Variants in CSKMT observed in about 807,000 individuals in gnomAD.
The protein encoded by CSKMT is citrate synthase-lysine N-methyltransferase CSKMT, mitochondrial.
Under a neutral mutation model 4.6 loss-of-function variants are expected in CSKMT, and 6 were observed. The observed-to-expected ratio is 1.31, with a 90% confidence interval of 0.72 to 2.59. CSKMT has a LOEUF of 2.59. CSKMT is among the 30% of genes most tolerant of loss of function. CSKMT has a pLI of 0.00. For synonymous variants in CSKMT, 142 were observed against 128.9 expected, an observed-to-expected ratio of 1.10 and a Z score of -0.69; for missense variants, 328 against 298.0, an observed-to-expected ratio of 1.10 and a Z score of -0.74.
In CSKMT at chr11:62,665,849, C is replaced by T; in HGVS notation, c.-31C>T. 1 of 1,608,886 alleles carries T rather than the reference C, an allele frequency of 6.2e-7. No individual in the cohort carries two copies. The highest frequency in any genetic ancestry group is 8.5e-7 in the Non-Finnish European group (1 of 1,176,332). On this transcript the variant is annotated 5_prime_UTR_variant, in exon 2 of 3. Coordinates refer to ENST00000532971, the MANE Select transcript of CSKMT (RefSeq NM_001043229.2). ...GAGTAGGGTGGACGCTTCACATAAG[C>T]TTCTCTGGTCGAACTTACCCGAATC...
Position 62,666,297 on chromosome 11 carries a change from G to A in CSKMT, c.68-99G>A, listed in dbSNP as rs138405387. 186 of 1,260,944 alleles carry A rather than the reference G, an allele frequency of 1.5e-4. 1 individual carries two copies. In the African/African-American group the frequency reaches 2.5e-3, roughly 17 times the overall value. 78.1% of individuals were successfully genotyped at this position (1,260,944 alleles called of 1,614,324 possible). On this transcript the variant is annotated intron_variant, in intron 2 of 2. Transcript: ENST00000532971. ...TGTACTCAACCCTGGGTCACAGAGT[G>A]AGACCCTGTCTCAAAAAAAAAAAAG...
At position 62,665,848 on chromosome 11, in the gene CSKMT, G is replaced by A; in HGVS notation, c.-32G>A. 1.2e-6 allele frequency: 2 copies of A among 1,608,830 alleles called. No individual in the cohort carries two copies. The highest frequency in any genetic ancestry group is 1.7e-6 in the Non-Finnish European group (2 of 1,176,304). On this transcript the variant is annotated 5_prime_UTR_variant, in exon 2 of 3. Transcript: ENST00000532971. ...GGAGTAGGGTGGACGCTTCACATAA[G>A]CTTCTCTGGTCGAACTTACCCGAAT... is the stretch of plus-strand genomic sequence containing the variant.
rs1478724728 is a variant in CSKMT, at chr11:62,667,696, G to C, written c.*645G>C. ...CTGGTCCTGCCCCCAGCTGAGTCCAGCGTTAAATGTTCTTAAAGGACTTCT... is the reference window on the plus strand; with the variant it reads ...CTGGTCCTGCCCCCAGCTGAGTCCACCGTTAAATGTTCTTAAAGGACTTCT... On this transcript the variant is annotated 3_prime_UTR_variant, in exon 3 of 3. Transcript: ENST00000532971. 1 of 1,614,034 alleles carries C rather than the reference G, an allele frequency of 6.2e-7. No individual in the cohort carries two copies. Among genetic ancestry groups the C allele is most frequent in the African/African-American group, 1.3e-5 (1 of 74,928 alleles).
chr11:62,665,858 T>C lies in CSKMT; in HGVS notation c.-22T>C, dbSNP rs372582513. Reference sequence around the variant, plus strand: ...GGACGCTTCACATAAGCTTCTCTGGTCGAACTTACCCGAATCTCCAGATGG... The same window carrying C: ...GGACGCTTCACATAAGCTTCTCTGGCCGAACTTACCCGAATCTCCAGATGG... On this transcript the variant is annotated 5_prime_UTR_variant, in exon 2 of 3. Coordinates refer to ENST00000532971, the MANE Select transcript of CSKMT (RefSeq NM_001043229.2). 135 of 1,610,624 alleles carry C rather than the reference T, an allele frequency of 8.4e-5. No individual in the cohort carries two copies. In the African/African-American group the frequency reaches 1.7e-3, roughly 21 times the overall value.
rs368256980 is a variant in CSKMT, at chr11:62,665,337, G to A, written c.-234+5G>A. The stretch of plus-strand genomic sequence containing the variant: ...CTTTCGGAGGGTGGTGAGCTAGTAA[G>A]TGTGGTTTTAGCTGTAGTAGCCAGA... On this transcript the variant is annotated splice_donor_5th_base_variant and intron_variant, in intron 1 of 2. Coordinates refer to ENST00000532971, the MANE Select transcript of CSKMT (RefSeq NM_001043229.2). 27 of 764,232 alleles carry A rather than the reference G, an allele frequency of 3.5e-5. No homozygotes were observed. Among genetic ancestry groups the A allele is most frequent in the South Asian group, 2.6e-4 (16 of 62,732 alleles). The allele number at this position is 764,232 out of a possible 1,614,324, so 47.3% of individuals were successfully genotyped here.
intron 1 of CSKMT, 43 bp from the exon 2 acceptor site, chr11:62,665,604 G>A (rs1171195565): frequency 1.3e-6 from 2 of 1,566,130 alleles, no homozygotes; most frequent in South Asian, 1.1e-5. Context: ...AGATCCAGCT[G>A]GCTCCTCCAT....
intron 2 of CSKMT, 54 bp downstream of exon 2, chr11:62,666,000 G>A: frequency 1.3e-6 from 2 of 1,561,956 alleles, no homozygotes; most frequent in Non-Finnish European, 1.7e-6. Context: ...AGTGGGGAGG[G>A]TAAGGTGGGT....
rs76078023 is a variant in CSKMT at position 62,666,755 on chromosome 11, G to T, written c.427G>T (p.Ala143Ser). 1.2e-6 allele frequency: 2 copies of T among 1,614,164 alleles called. No individual in the cohort carries two copies. The highest frequency in any genetic ancestry group is 8.5e-7 in the Non-Finnish European group (1 of 1,180,038). Residue 143 changes from alanine (A) to serine (S), a missense_variant, in exon 3 of 3, where the codon GCC (alanine) becomes TCC (serine). Physicochemically the swap from Ala to Ser is moderately conservative, Grantham distance 99. Transcript: ENST00000532971. ...TGCCTCAAGCCTCCACTTCATGCAC[G>T]CCGATGCTCAGAACCTGGGGGCTGT... ...HPASSLHFMH[A>S]DAQNLGAVAS...
In CSKMT at chr11:62,666,788, TCAGGCTCTTTCCAACTACTG is replaced by T; in HGVS notation, c.462_481del (p.Ser156GlnfsTer14). 6.2e-7 allele frequency: 1 copy of T among 1,614,088 alleles called. No individual in the cohort carries two copies. Among genetic ancestry groups the T allele is most frequent in the Non-Finnish European group, 8.5e-7 (1 of 1,179,950 alleles). On this transcript the variant is annotated frameshift_variant, in exon 3 of 3. Coordinates refer to ENST00000532971, the MANE Select transcript of CSKMT (RefSeq NM_001043229.2). LOFTEE classifies it high-confidence loss of function. ...TCAGAACCTGGGGGCTGTGGCTTCT[TCAGGCTCTTTCCAACTACTG>T]CTGGACAAAGGCACATGGGATGCTG...
At chr11:62,666,069 C>T in intron 2 of CSKMT, 123 bp downstream of exon 2, 6 of 1,149,670 alleles carry the variant, frequency 5.2e-6, no homozygotes, top group Non-Finnish European at 7.3e-6. Context: ...TACGGTGGGC[C>T]GTGCGTGGTG....
chr11:62,667,360 C>T lies in CSKMT; in HGVS notation c.*309C>T. 4.2e-6 allele frequency: 3 copies of T among 720,132 alleles called. No individual in the cohort carries two copies. Among genetic ancestry groups the T allele is most frequent in the Non-Finnish European group, 7.0e-6 (3 of 428,238 alleles). 44.6% of individuals were successfully genotyped at this position (720,132 alleles called of 1,614,324 possible). A position where few individuals can be genotyped will look rare whatever the true frequency, so the allele number is the denominator to read the frequency against. ...AACTGGAGCTCCTAAAAGCAGCAGA[C>T]AGGAACTGAATCAAAACCCCTGCGC... is the stretch of plus-strand genomic sequence containing the variant. On this transcript the variant is annotated 3_prime_UTR_variant, in exon 3 of 3. Coordinates refer to ENST00000532971, the MANE Select transcript of CSKMT (RefSeq NM_001043229.2).
chr11:62,667,065 G>A lies in CSKMT; in HGVS notation c.*14G>A. Reference sequence around the variant, plus strand: ...GGCTCTCATTAAAGACATTTTAGTAGTCCTGACCCTAGTATTTCTGTGGGC... The same window carrying A: ...GGCTCTCATTAAAGACATTTTAGTAATCCTGACCCTAGTATTTCTGTGGGC... On this transcript the variant is annotated 3_prime_UTR_variant, in exon 3 of 3. Transcript: ENST00000532971. 1 of 1,558,794 alleles carries A rather than the reference G, an allele frequency of 6.4e-7. No homozygotes were observed. The highest frequency in any genetic ancestry group is 2.0e-5 in the Admixed American group (1 of 50,732).
Position 62,666,647 on chromosome 11 carries a change from G to A in CSKMT, c.319G>A (p.Asp107Asn), listed in dbSNP as rs759348507. 1.5e-5 allele frequency: 25 copies of A among 1,614,160 alleles called. No individual in the cohort carries two copies. The highest frequency in any genetic ancestry group is 2.1e-5 in the Non-Finnish European group (25 of 1,180,040). ...ACACCCAGTGGATGTGCTGGGGGTG[G>A]ACTTTTCTCCTGTGGCTGTGGCCCA... The part of the protein sequence containing the change: ...SPHPVDVLGV[D>N]FSPVAVAHMN... The change falls in exon 3 of 3, where the codon GAC becomes AAC. Residue 107 changes from aspartate to asparagine, a missense_variant. By Grantham distance (23) the Asp-to-Asn change is conservative. Transcript: ENST00000532971.
Position 62,665,916 on chromosome 11 carries a change from C to T in CSKMT, c.37C>T (p.Leu13=). 3 of 1,613,252 alleles carry T rather than the reference C, an allele frequency of 1.9e-6. No individual in the cohort carries two copies. The highest frequency in any genetic ancestry group is 2.5e-6 in the Non-Finnish European group (3 of 1,179,844). ...ALRRMLHLPS[L]MMGTCRPFAG... ...GCGTCGAATGCTCCACTTGCCGAGCCTGATGATGGGGACGTGCCGCCCCTT... is the reference window on the plus strand; with the variant it reads ...GCGTCGAATGCTCCACTTGCCGAGCTTGATGATGGGGACGTGCCGCCCCTT... Residue 13 remains leucine (L), a synonymous_variant, in exon 2 of 3, where the codon CTG becomes TTG. Transcript: ENST00000532971.
At position 62,667,945 on chromosome 11, in the gene CSKMT, GT is replaced by G. The variant is rs1403024293; in HGVS notation, c.*895del. 5.5e-6 allele frequency: 3 copies of G among 542,526 alleles called. No individual in the cohort carries two copies. In the African/African-American group the frequency reaches 5.6e-5, roughly 10 times the overall value. 33.6% of individuals were successfully genotyped at this position (542,526 alleles called of 1,614,324 possible). On this transcript the variant is annotated 3_prime_UTR_variant, in exon 3 of 3. Transcript: ENST00000532971. ...GAGCCCGGGATAGTGGCACAGGCAT[GT>G]AGTTCCAACTACTCAGGAGGCTGAG...
chr11:62,666,054 A>G (rs1245633961), intron 2 of CSKMT, 108 bp downstream of exon 2: 8 of 1,286,002 alleles, frequency 6.2e-6, no homozygotes, highest in African/African-American at 1.5e-5. Flanking sequence ...GTGATTCTCA[A>G]ACCCTACGGT....
chr11:62,666,890 C>G lies in CSKMT; in HGVS notation c.562C>G (p.Leu188Val), dbSNP rs761743428. 1 of 1,614,020 alleles carries G rather than the reference C, an allele frequency of 6.2e-7. No individual in the cohort carries two copies. Among genetic ancestry groups the G allele is most frequent in the African/African-American group, 1.3e-5 (1 of 74,904 alleles). Residue 188 changes from leucine to valine, a missense_variant, in exon 3 of 3, where the codon CTA becomes GTA. Coordinates refer to ENST00000532971, the MANE Select transcript of CSKMT (RefSeq NM_001043229.2). ...YQLLSECLRV[L>V]NPQGTLIQFS... ...GCTTCTATCAGAATGCTTGAGGGTT[C>G]TAAACCCTCAGGGGACCCTGATTCA... is the stretch of plus-strand genomic sequence containing the variant.
rs1346239608 is a variant in CSKMT at position 62,665,329 on chromosome 11, G to A, written c.-237G>A. 6.7e-6 allele frequency: 5 copies of A among 742,772 alleles called. No individual in the cohort carries two copies. Among genetic ancestry groups the A allele is most frequent in the East Asian group, 5.3e-5 (2 of 37,472 alleles). The allele number at this position is 742,772 out of a possible 1,614,324, so 46.0% of individuals were successfully genotyped here. On this transcript the variant is annotated 5_prime_UTR_variant, in exon 1 of 3. Coordinates refer to ENST00000532971, the MANE Select transcript of CSKMT (RefSeq NM_001043229.2). ...CGGGAGGCCTTTCGGAGGGTGGTGA[G>A]CTAGTAAGTGTGGTTTTAGCTGTAG...
chr11:62,667,848 T>C lies in CSKMT; in HGVS notation c.*797T>C, dbSNP rs2134638856. 1.2e-6 allele frequency: 1 copy of C among 837,880 alleles called. No individual in the cohort carries two copies. Among genetic ancestry groups the C allele is most frequent in the East Asian group, 2.5e-5 (1 of 40,778 alleles). 51.9% of individuals were successfully genotyped at this position (837,880 alleles called of 1,614,324 possible). On this transcript the variant is annotated 3_prime_UTR_variant, in exon 3 of 3. Coordinates refer to ENST00000532971, the MANE Select transcript of CSKMT (RefSeq NM_001043229.2). ...GCTCATACCTATAATCACAGCACTTTGGGAGGCCAAGGTGGGCAGATTGCT... is the reference window on the plus strand; with the variant it reads ...GCTCATACCTATAATCACAGCACTTCGGGAGGCCAAGGTGGGCAGATTGCT...
Sources: allele counts gnomAD v4.1 joint callset, GRCh38; gene constraint gnomAD v4.1.1; transcripts MANE v1.5; gene names NCBI Gene and HGNC (gene_info 2026-07-23, HGNC 2026-07-21).